Variants in PACS1 observed in about 807,000 individuals in gnomAD.
PACS1 encodes PACS-1.
A neutral mutation model predicts 115.0 loss-of-function variants in PACS1; 24 were observed. The observed-to-expected ratio is 0.21, with a 90% CI of 0.15 to 0.29. The LOEUF is 0.29. PACS1 is among the 10% of genes least tolerant of loss of function. The probability of loss-of-function intolerance (pLI) is 1.00; values close to 1 mark genes in which losing one functional copy is unlikely to be tolerated. For missense variants in PACS1, 838 were observed against 1,251.2 expected, an observed-to-expected ratio of 0.67 and a Z score of 4.98; for synonymous variants, 453 against 504.5, an observed-to-expected ratio of 0.90 and a Z score of 1.37.
intron 1 of PACS1, among the ~76,000 whole-genome samples, chr11:66,112,883 A>T (rs10896081): frequency 0.21 from 31,294 of 152,278 alleles, 3,303 homozygotes; most frequent in Middle Eastern, 0.28. Flanking sequence ...GGCTATAAAA[A>T]GAATGATACA....
At chr11:66,212,164 G>T (rs369442599) in intron 4 of PACS1, among the ~76,000 whole-genome samples, 36 of 149,758 alleles carry the variant, frequency 2.4e-4, no homozygotes, top group African/African-American at 8.3e-4. Context: ...ATGGAGTCTT[G>T]CTCTGTCGCC....
chr11:66,187,206 G>A (rs936408677), intron 1 of PACS1, among the ~76,000 whole-genome samples: 3 of 152,018 alleles, frequency 2.0e-5, no homozygotes, highest in Non-Finnish European at 2.9e-5. Context: ...AAAATTGACC[G>A]ATCTTACATA....
At chr11:66,134,541 A>G (rs1289505884) in intron 1 of PACS1, among the ~76,000 whole-genome samples, 3 of 149,454 alleles carry the variant, frequency 2.0e-5, no homozygotes, top group Admixed American at 6.7e-5. Context: ...ATAGGGACAG[A>G]TGGGTTTGTG....
intron 11 of PACS1, among the ~76,000 whole-genome samples, chr11:66,229,691 ATAAATAAAATAAG>A (rs1855543159): frequency 6.6e-6 from 1 of 152,072 alleles, no homozygotes; most frequent in South Asian, 2.1e-4. Context: ...AAATAAATAA[ATAAATAAAATAAG>A]TAAATAAAAT....
intron 2 of PACS1, among the ~76,000 whole-genome samples, chr11:66,208,764 A>T (rs1855004305): frequency 1.3e-5 from 2 of 152,052 alleles, no homozygotes; most frequent in South Asian, 4.1e-4. Flanking sequence ...AAAGAAAATA[A>T]TATATAAAAA....
At chr11:66,135,199 C>CA (rs563082814) in intron 1 of PACS1, among the ~76,000 whole-genome samples, 387 of 145,812 alleles carry the variant, frequency 2.7e-3, no homozygotes, top group Non-Finnish European at 4.2e-3. Context: ...GACTCCATCT[C>CA]AAAAAAAAAA....
At position 66,216,555 on chromosome 11, in the gene PACS1, G is replaced by A. The variant is rs753605429; in HGVS notation, c.841G>A (p.Glu281Lys). 3 of 1,614,106 alleles carry A rather than the reference G, an allele frequency of 1.9e-6. No individual in the cohort carries two copies. Among genetic ancestry groups the A allele is most frequent in the Non-Finnish European group, 2.5e-6 (3 of 1,179,930 alleles). Residue 281 changes from glutamate (E) to lysine (K), a missense_variant, in exon 6 of 24, where the codon GAG becomes AAG. Glu to Lys is a moderately conservative substitution (Grantham distance 56). Around this residue, in one of 6 missense-constraint regions of PACS1, gnomAD observed 223 missense variants for 354.0 expected, o/e 0.63. Coordinates refer to ENST00000320580, the MANE Select transcript of PACS1 (RefSeq NM_018026.4). The stretch of plus-strand genomic sequence containing the variant: ...TGATATTGACAATTATTCTGAGGAA[G>A]AGGAAGAGAGTTTCTCATCAGAACA... Reference protein sequence around the residue: ...SPDIDNYSEEEEESFSSEQEG... With the variant: ...SPDIDNYSEEKEESFSSEQEG...
intron 9 of PACS1, 123 bp from the exon 10 acceptor site, chr11:66,221,031 T>C: frequency 1.0e-6 from 1 of 977,894 alleles, no homozygotes; most frequent in Non-Finnish European, 1.6e-6. Flanking sequence ...ACTTCCCTGC[T>C]CACCGGGCGT....
intron 1 of PACS1, among the ~76,000 whole-genome samples, chr11:66,082,727 C>T (rs767537302): frequency 2.0e-5 from 3 of 152,086 alleles, no homozygotes; most frequent in African/African-American, 7.2e-5. Context: ...GTGTGGCGGT[C>T]GCCTGTAATC....
intron 1 of PACS1, among the ~76,000 whole-genome samples, chr11:66,164,894 G>C (rs763687503): frequency 8.6e-5 from 13 of 152,042 alleles, no homozygotes; most frequent in Non-Finnish European, 1.2e-4. Context: ...AACCACAAGA[G>C]ATCTTAGAGA....
intron 1 of PACS1, among the ~76,000 whole-genome samples, chr11:66,141,179 T>C (rs1858974223): frequency 6.6e-6 from 1 of 152,276 alleles, no homozygotes; most frequent in African/African-American, 2.4e-5. Context: ...TTTTTGTATG[T>C]TTAATGAAAT....
intron 1 of PACS1, among the ~76,000 whole-genome samples, chr11:66,176,458 A>G (rs1321365481): frequency 6.6e-6 from 1 of 150,486 alleles, no homozygotes; most frequent in Non-Finnish European, 1.5e-5. Context: ...TTGTTGCCCA[A>G]GCTGGAGTGC....
In PACS1 at chr11:66,189,926, C is replaced by T. The variant is rs575855061; in HGVS notation, c.357-3560C>T. Among the ~76,000 whole-genome samples, 3 of 152,316 alleles carry T rather than the reference C, an allele frequency of 2.0e-5. No individual in the cohort carries two copies. In the South Asian group the frequency reaches 6.2e-4, roughly 32 times the overall value. On this transcript the variant is annotated intron_variant, in intron 1 of 23. Transcript: ENST00000320580. The stretch of plus-strand genomic sequence containing the variant: ...GGCATTGCTCCAGAAATGGAATTCT[C>T]TGCAAACCTGGCTGCTGAAACTGCC...
Position 66,220,729 on chromosome 11 carries a change from C to T in PACS1, c.1137C>T (p.Ser379=), listed in dbSNP as rs746838835. 2.0e-5 allele frequency: 33 copies of T among 1,614,000 alleles called. No individual in the cohort carries two copies. The highest frequency in any genetic ancestry group is 2.8e-5 in the Non-Finnish European group (33 of 1,179,994). ...LYDSLEMYNP[S]DSGPEMEETE... is the part of the protein sequence containing the mutation. ...ACAGTCTGGAGATGTACAACCCCAGCGACAGTGGCCCTGAGATGGAGGAGA... is the reference window on the plus strand; with the variant it reads ...ACAGTCTGGAGATGTACAACCCCAGTGACAGTGGCCCTGAGATGGAGGAGA... The change falls in exon 9 of 24, where the codon AGC becomes AGT. Residue 379 remains serine, a synonymous_variant. Transcript: ENST00000320580.
intron 1 of PACS1, among the ~76,000 whole-genome samples, chr11:66,133,281 T>C (rs1858743758): frequency 6.6e-6 from 1 of 152,202 alleles, no homozygotes; most frequent in African/African-American, 2.4e-5. Flanking sequence ...GACTCTCACC[T>C]CAGCTTTATA....
chr11:66,216,079 T>G, intron 4 of PACS1, 40 bp from the exon 5 acceptor site: 1 of 1,607,564 alleles, frequency 6.2e-7, no homozygotes, highest in Non-Finnish European at 8.5e-7. Context: ...TCCAGGTGCC[T>G]CTGTAGTAAC....
At chr11:66,101,363 A>G (rs1200430221) in intron 1 of PACS1, among the ~76,000 whole-genome samples, 1 of 152,172 alleles carries the variant, frequency 6.6e-6, no homozygotes, top group African/African-American at 2.4e-5. Context: ...ACATACATAC[A>G]GTGGGTTGGG....
chr11:66,098,723 C>T (rs932945839), intron 1 of PACS1, among the ~76,000 whole-genome samples: 1 of 152,222 alleles, frequency 6.6e-6, no homozygotes, highest in Admixed American at 6.5e-5. Context: ...AGCGTCTCTT[C>T]ACACCCTCCA....
chr11:66,180,218 A>G (rs1859971117), intron 1 of PACS1, among the ~76,000 whole-genome samples: 1 of 152,178 alleles, frequency 6.6e-6, no homozygotes, highest in Non-Finnish European at 1.5e-5. Context: ...GGCAACAGTG[A>G]GAAACTTTGT....
Sources: allele counts gnomAD v4.1 joint callset (sites outside exome capture counted in the v4.1 genomes callset), GRCh38; gene constraint gnomAD v4.1.1; regional missense constraint gnomAD v4.1.1; transcripts MANE v1.5; gene names NCBI Gene and HGNC (gene_info 2026-07-23, HGNC 2026-07-21).